The following RNF128 variants were observed in gnomAD, a reference collection of about 807,000 sequenced individuals.
The protein encoded by RNF128 is ring finger protein 128.
Under a neutral mutation model 26.2 loss-of-function variants are expected in RNF128, and 13 were observed. The ratio of observed to expected loss-of-function variants is 0.50; its 90% CI spans 0.32 to 0.79. The LOEUF is 0.79. RNF128 is among the 30% of genes least tolerant of loss of function. The probability of loss-of-function intolerance (pLI) is 0.03; values close to 1 mark genes in which losing one functional copy is unlikely to be tolerated. For missense variants in RNF128, 315 were observed against 349.7 expected (o/e 0.90, Z 0.79); for synonymous variants, 149 against 142.5 (o/e 1.05, Z -0.32).
intron 1 of RNF128, among the ~76,000 whole-genome samples, chrX:106,717,250 A>G (rs757222498): frequency 3.6e-5 from 4 of 111,842 alleles, no homozygotes; most frequent in East Asian, 5.6e-4. Flanking sequence ...TCAATATGCA[A>G]TGAAAAGTGA....
chrX:106,739,481 G>A, intron 1 of RNF128, among the ~76,000 whole-genome samples: 1 of 111,690 alleles, frequency 9.0e-6, no homozygotes, highest in African/African-American at 3.3e-5. Context: ...CTGTGTCAAA[G>A]CTTTGTCAAT....
At chrX:106,711,586 C>T (rs1929127574) in intron 1 of RNF128, among the ~76,000 whole-genome samples, 1 of 111,763 alleles carries the variant, frequency 8.9e-6, no homozygotes. Flanking sequence ...TTTTTTTGTT[C>T]CAACCTTATA....
At chrX:106,710,676 G>A (rs1929110031) in intron 1 of RNF128, among the ~76,000 whole-genome samples, 1 of 97,628 alleles carries the variant, frequency 1.0e-5, no homozygotes, top group Non-Finnish European at 2.0e-5. Flanking sequence ...AGAATTGCTT[G>A]AACCCAGGAG....
intron 2 of RNF128, among the ~76,000 whole-genome samples, 161 bp downstream of exon 2, chrX:106,773,321 G>T (rs2880013): frequency 0.18 from 19,527 of 110,711 alleles, 1,532 homozygotes; most frequent in East Asian, 0.59. Context: ...CTTCTCAAAG[G>T]TTTATTTTCT....
chrX:106,787,228 G>T (rs1930672555), intron 3 of RNF128, among the ~76,000 whole-genome samples: 1 of 111,505 alleles, frequency 9.0e-6, no homozygotes, highest in African/African-American at 3.2e-5. Flanking sequence ...ATAAACTGTG[G>T]TACATACATA....
At chrX:106,694,387 A>C (rs752477999) in exon 1 of RNF128, 1 of 1,190,931 alleles carries the variant, frequency 8.4e-7, no homozygotes, top group Admixed American at 2.4e-5. Flanking sequence ...TGGCAATCAG[A>C]CGATACAGAT....
chrX:106,719,308 C>T (rs897762139), intron 1 of RNF128, among the ~76,000 whole-genome samples: 1 of 110,932 alleles, frequency 9.0e-6, no homozygotes, highest in Admixed American at 9.5e-5. Context: ...CAACCTCCCC[C>T]ACCCTGGGTT....
chrX:106,753,851 TAAAG>T (rs1426541778), intron 1 of RNF128, among the ~76,000 whole-genome samples: 2 of 111,617 alleles, frequency 1.8e-5, no homozygotes, highest in African/African-American at 6.5e-5. Context: ...TAAAAAGAGA[TAAAG>T]AAGGTCATTA....
At chrX:106,760,752 A>G (rs1257117234) in intron 1 of RNF128, among the ~76,000 whole-genome samples, 2 of 111,525 alleles carry the variant, frequency 1.8e-5, no homozygotes, top group Admixed American at 9.6e-5. Context: ...AGTATCCATC[A>G]ATGGATGAAT....
At chrX:106,723,569 A>AATATAT (rs1166271253), upstream of RNF128, among the ~76,000 whole-genome samples, 1 of 108,074 alleles carries the variant, frequency 9.3e-6, no homozygotes, top group Non-Finnish European at 1.9e-5. Flanking sequence ...CTCTGTCTAA[A>AATATAT]ATATATATAT....
intron 1 of RNF128, among the ~76,000 whole-genome samples, chrX:106,700,230 C>G (rs1297586180): frequency 9.1e-6 from 1 of 110,074 alleles, no homozygotes; most frequent in Non-Finnish European, 1.9e-5. Context: ...CACTGTGTTG[C>G]CCAGGCTGAT....
chrX:106,735,102 C>T (rs945266435), intron 1 of RNF128, among the ~76,000 whole-genome samples: 4 of 111,369 alleles, frequency 3.6e-5, no homozygotes, highest in East Asian at 2.8e-4. Flanking sequence ...CACCATAGCA[C>T]GTAGTTACTG....
intron 1 of RNF128, among the ~76,000 whole-genome samples, chrX:106,751,344 A>G (rs998016852): frequency 1.8e-5 from 2 of 110,951 alleles, no homozygotes; most frequent in Admixed American, 1.9e-4. Context: ...GAGGAAAACA[A>G]CATGGGGCAT....
rs375630172 is a variant in RNF128 at position 106,741,538 on chromosome X, T to C, written c.484+14141T>C. Reference sequence around the variant, plus strand: ...AGCATTCCACTAAACCCAAGGTCTATAGGATAGAATTAGTATTTAATTTTT... The same window carrying C: ...AGCATTCCACTAAACCCAAGGTCTACAGGATAGAATTAGTATTTAATTTTT... On this transcript the variant is annotated intron_variant, in intron 1 of 6. Transcript: ENST00000255499. Among the ~76,000 whole-genome samples the C allele has an allele frequency of 5.4e-4, 60 of 112,059 alleles. 1 individual carries two copies. In the South Asian group the frequency reaches 0.022, roughly 42 times the overall value.
intron 1 of RNF128, 28 bp from the exon 2 acceptor site, chrX:106,772,885 C>T: frequency 2.5e-6 from 3 of 1,188,048 alleles, no homozygotes; most frequent in South Asian, 1.9e-5. Flanking sequence ...TTTCACCAAA[C>T]TAAAACTGAA....
At chrX:106,776,302 A>G (rs1198351434) in intron 2 of RNF128, among the ~76,000 whole-genome samples, 1 of 112,427 alleles carries the variant, frequency 8.9e-6, no homozygotes, top group Non-Finnish European at 1.9e-5. Flanking sequence ...GTTGGATTAA[A>G]CATTGGCAAG....
chrX:106,714,676 G>A (rs1322459909), intron 1 of RNF128, among the ~76,000 whole-genome samples: 1 of 111,643 alleles, frequency 9.0e-6, no homozygotes, highest in African/African-American at 3.3e-5. Context: ...GAGCTCCTTC[G>A]TATTGTCCCT....
intron 3 of RNF128, among the ~76,000 whole-genome samples, chrX:106,787,482 G>A (rs1230180968): frequency 9.0e-6 from 1 of 111,001 alleles, no homozygotes; most frequent in Non-Finnish European, 1.9e-5. Context: ...TTTGTTGGGA[G>A]TAATAGCACT....
chrX:106,784,817 A>G (rs1271088032), intron 2 of RNF128, among the ~76,000 whole-genome samples: 1 of 111,750 alleles, frequency 8.9e-6, no homozygotes, highest in African/African-American at 3.2e-5. Flanking sequence ...TTTTACCATT[A>G]TGGTCCCAAC....
Sources: gnomAD v4.1 joint callset for allele counts (sites outside exome capture counted in the v4.1 genomes callset) on GRCh38, gnomAD v4.1.1 for gene constraint, MANE v1.5 for transcripts, NCBI Gene and HGNC (gene_info 2026-07-23, HGNC 2026-07-21) for gene names.